WWOX: variants seen among roughly 807,000 people sequenced by gnomAD.
The protein encoded by WWOX is WW domain containing oxidoreductase, also known as WW domain-containing oxidoreductase.
A neutral mutation model predicts 46.2 loss-of-function variants in WWOX; 69 were observed. The ratio of observed to expected loss-of-function variants is 1.49; its 90% CI spans 1.23 to 1.82. WWOX has a LOEUF of 1.82. Ranked by LOEUF, WWOX falls within the 40% of genes most tolerant of loss-of-function variation. The probability of loss-of-function intolerance (pLI) is 0.00; values close to 1 mark genes in which losing one functional copy is unlikely to be tolerated. For synonymous variants in WWOX, 359 were observed against 202.6 expected (o/e 1.77, Z -6.56); for missense variants, 919 against 542.6 (o/e 1.69, Z -6.89).
chr16:78,323,647 G>A (rs1406504180), intron 5 of WWOX, among the ~76,000 whole-genome samples: 11 of 152,168 alleles, frequency 7.2e-5, no homozygotes, highest in African/African-American at 9.7e-5. Flanking sequence ...TACTTTTCAC[G>A]CATGGCATTG....
At chr16:79,050,014 G>T (rs1397755883) in intron 8 of WWOX, among the ~76,000 whole-genome samples, 1 of 152,106 alleles carries the variant, frequency 6.6e-6, no homozygotes, top group Non-Finnish European at 1.5e-5. Context: ...TGCAGAGTAT[G>T]GGGCACCCTG....
intron 8 of WWOX, among the ~76,000 whole-genome samples, chr16:78,813,008 C>T (rs1312836343): frequency 6.6e-6 from 1 of 151,420 alleles, no homozygotes; most frequent in Non-Finnish European, 1.5e-5. Flanking sequence ...AGGGAATCTA[C>T]CTTAATAGGT....
At chr16:78,458,553 G>C (rs2151420931) in intron 8 of WWOX, among the ~76,000 whole-genome samples, 1 of 152,166 alleles carries the variant, frequency 6.6e-6, no homozygotes, top group East Asian at 1.9e-4. Flanking sequence ...AAGCCACCAT[G>C]TCAGGCCATT....
intron 8 of WWOX, among the ~76,000 whole-genome samples, chr16:78,967,142 C>T (rs545781824): frequency 6.6e-6 from 1 of 152,104 alleles, no homozygotes; most frequent in South Asian, 2.1e-4. Context: ...CCTGTTTTCC[C>T]AAGTTTACCT....
chr16:78,179,816 C>CT (rs1277561785), intron 5 of WWOX: 4 of 152,328 alleles, frequency 2.6e-5, no homozygotes, highest in African/African-American at 9.6e-5. Context: ...GGAAGCCTTG[C>CT]TTGTCTTGTT....
intron 8 of WWOX, among the ~76,000 whole-genome samples, chr16:79,207,466 C>G (rs2051554063): frequency 6.6e-6 from 1 of 152,368 alleles, no homozygotes; most frequent in South Asian, 2.1e-4. Context: ...ATCTAACTTC[C>G]AGGGTTCATT....
chr16:78,370,479 TG>T (rs1254864812), intron 5 of WWOX, among the ~76,000 whole-genome samples: 1 of 122,086 alleles, frequency 8.2e-6, no homozygotes, highest in African/African-American at 3.3e-5. Flanking sequence ...AGACGTATGC[TG>T]GGGGTATCTA....
chr16:78,386,935 A>G lies in WWOX; in HGVS notation c.592A>G (p.Lys198Glu), dbSNP rs1199254958. 19 of 1,614,078 alleles carry G rather than the reference A, an allele frequency of 1.2e-5. No homozygotes were observed. The Middle Eastern group carries it at 4.9e-4, about 42-fold the overall frequency. ...CGTGCAGCATTTTGCTGAAGCATTC[A>G]AGGCCAAGAATGTGTGAGTGTTCCA... ...RSVQHFAEAF[K>E]AKNVPLHVLV... The change falls in exon 6 of 9, where the codon AAG becomes GAG. Residue 198 changes from lysine to glutamate, a missense_variant. Physicochemically the swap from Lys to Glu is moderately conservative, Grantham distance 56. Transcript: ENST00000566780.
chr16:78,624,805 T>G (rs981041916), intron 8 of WWOX, among the ~76,000 whole-genome samples: 1 of 152,246 alleles, frequency 6.6e-6, no homozygotes, highest in Non-Finnish European at 1.5e-5. Flanking sequence ...TATTATTCCC[T>G]GTACGATTTC....
At chr16:78,969,767 AT>A (rs2046434835) in intron 8 of WWOX, among the ~76,000 whole-genome samples, 1 of 152,196 alleles carries the variant, frequency 6.6e-6, no homozygotes, top group African/African-American at 2.4e-5. Context: ...ATGTTATATG[AT>A]TTCATTTACA....
chr16:78,637,271 A>G (rs1043116129), intron 8 of WWOX, among the ~76,000 whole-genome samples: 2 of 151,942 alleles, frequency 1.3e-5, no homozygotes, highest in African/African-American at 4.8e-5. Flanking sequence ...GACCCTTCCC[A>G]TATCTACTAA....
At chr16:78,425,090 C>T (rs774003937) in intron 7 of WWOX, 35 bp downstream of exon 7, 2 of 1,610,198 alleles carry the variant, frequency 1.2e-6, no homozygotes, top group Non-Finnish European at 1.7e-6. Context: ...CACTTATCCC[C>T]TTTCTCATAC....
rs2175471 is a variant in WWOX at position 78,574,199 on chromosome 16, T to C, written c.1056+141447T>C. On this transcript the variant is annotated intron_variant, in intron 8 of 8. Coordinates refer to ENST00000566780, the MANE Select transcript of WWOX (RefSeq NM_016373.4). ...CCTTCATCAAGCCAGCAACAAGAGT[T>C]TCTGGGGCAAGTTGGTCAACAAGAT... Among the ~76,000 whole-genome samples the C allele has an allele frequency of 0.42, 63,383 of 152,092 alleles. 15,936 individuals are homozygous for C. The highest frequency in any genetic ancestry group is 0.72 in the African/African-American group (29,679 of 41,502).
At chr16:79,176,369 A>G (rs2050800525) in intron 8 of WWOX, among the ~76,000 whole-genome samples, 1 of 152,194 alleles carries the variant, frequency 6.6e-6, no homozygotes, top group African/African-American at 2.4e-5. Flanking sequence ...TTCTATTGGT[A>G]AGCACTAGTC....
At chr16:78,983,156 C>T (rs2046716178) in intron 8 of WWOX, among the ~76,000 whole-genome samples, 1 of 152,130 alleles carries the variant, frequency 6.6e-6, no homozygotes, top group Non-Finnish European at 1.5e-5. Flanking sequence ...CATCAAACTC[C>T]ATCGTTAGGA....
intron 8 of WWOX, among the ~76,000 whole-genome samples, chr16:78,945,044 G>T (rs967219196): frequency 6.6e-6 from 1 of 152,122 alleles, no homozygotes; most frequent in Non-Finnish European, 1.5e-5. Context: ...GCTGGGCATG[G>T]TGGCGTACAC....
intron 8 of WWOX, among the ~76,000 whole-genome samples, chr16:78,961,489 A>C (rs1019250231): frequency 6.6e-6 from 1 of 151,702 alleles, no homozygotes; most frequent in Non-Finnish European, 1.5e-5. Flanking sequence ...GGATAGGTAG[A>C]TGGATGGATG....
chr16:78,723,464 C>T (rs1489452707), intron 8 of WWOX, among the ~76,000 whole-genome samples: 1 of 131,194 alleles, frequency 7.6e-6, no homozygotes, highest in African/African-American at 3.0e-5. Context: ...AAGTCTGCTA[C>T]CTTGTTCTTA....
chr16:78,724,215 C>G (rs963722809), intron 8 of WWOX, among the ~76,000 whole-genome samples: 1 of 152,166 alleles, frequency 6.6e-6, no homozygotes, highest in Admixed American at 6.5e-5. Context: ...TTAGTGAGTA[C>G]CTGTCACAGG....
Sources: gnomAD v4.1 joint callset for allele counts (sites outside exome capture counted in the v4.1 genomes callset) on GRCh38, gnomAD v4.1.1 for gene constraint, MANE v1.5 for transcripts, NCBI Gene and HGNC (gene_info 2026-07-23, HGNC 2026-07-21) for gene names.